Variants in EXT1 observed in about 807,000 individuals in gnomAD.
EXT1 encodes exostosin-1.
A neutral mutation model predicts 82.5 loss-of-function variants in EXT1; 20 were observed. The ratio of observed to expected loss-of-function variants is 0.24; its 90% CI spans 0.17 to 0.35. The LOEUF (loss-of-function observed/expected upper bound fraction) is 0.35, where lower values mean the gene tolerates loss of function less well. EXT1 is among the 10% of genes least tolerant of loss of function. The probability of loss-of-function intolerance (pLI) is 1.00; values close to 1 mark genes in which losing one functional copy is unlikely to be tolerated. For missense variants in EXT1, 757 were observed against 936.5 expected, an observed-to-expected ratio of 0.81 and a Z score of 2.50; for synonymous variants, 348 against 350.8, an observed-to-expected ratio of 0.99 and a Z score of 0.09.
chr8:117,857,021 G>C (rs1424597816), intron 1 of EXT1, among the ~76,000 whole-genome samples: 2 of 152,160 alleles, frequency 1.3e-5, no homozygotes, highest in African/African-American at 4.8e-5. Context: ...TACTCTGCCT[G>C]TGCTCTATAA....
chr8:118,012,285 A>T (rs1815915111), intron 1 of EXT1, among the ~76,000 whole-genome samples: 1 of 152,230 alleles, frequency 6.6e-6, no homozygotes, highest in Non-Finnish European at 1.5e-5. Context: ...CACACAGAAG[A>T]CCACACAGGA....
At chr8:117,913,021 C>T (rs1028620601) in intron 1 of EXT1, among the ~76,000 whole-genome samples, 3 of 152,040 alleles carry the variant, frequency 2.0e-5, no homozygotes, top group Admixed American at 6.5e-5. Flanking sequence ...GTCAGGAGTT[C>T]GAGACCAGCC....
chr8:117,921,278 A>C (rs557100586), intron 1 of EXT1, among the ~76,000 whole-genome samples: 1 of 152,140 alleles, frequency 6.6e-6, no homozygotes, highest in Non-Finnish European at 1.5e-5. Flanking sequence ...TTATCTGGGG[A>C]TCCTCAAGCA....
chr8:117,979,030 CAAG>C (rs756552172), intron 1 of EXT1, among the ~76,000 whole-genome samples: 3 of 152,036 alleles, frequency 2.0e-5, no homozygotes, highest in Admixed American at 6.6e-5. Context: ...GCCATGGCCC[CAAG>C]AAGAAGATGT....
intron 1 of EXT1, among the ~76,000 whole-genome samples, chr8:117,986,031 T>C (rs1194993637): frequency 1.6e-4 from 24 of 152,320 alleles, no homozygotes. Context: ...TTGACTTTTT[T>C]TTACTAAGGA....
chr8:118,013,481 T>C (rs1007497270), intron 1 of EXT1, among the ~76,000 whole-genome samples: 4 of 152,098 alleles, frequency 2.6e-5, no homozygotes, highest in Non-Finnish European at 5.9e-5. Context: ...AGTGCTAGGA[T>C]TACAGGCATG....
intron 1 of EXT1, among the ~76,000 whole-genome samples, chr8:117,947,792 C>T (rs17430930): frequency 0.02 from 2,984 of 152,240 alleles, 38 homozygotes; most frequent in Middle Eastern, 0.037. Context: ...AAGGACACAA[C>T]CCTATTGGAA....
chr8:117,819,748 G>C lies in EXT1; in HGVS notation c.1464C>G (p.Thr488=). The C allele has an allele frequency of 6.2e-7, 1 of 1,613,406 alleles. No individual in the cohort carries two copies. The highest frequency in any genetic ancestry group is 1.1e-5 in the South Asian group (1 of 91,054). The part of the protein sequence containing the change: ...SKFTAVIHAV[T]PLVSQSQPVL... Reference sequence around the variant, plus strand: ...CTGGCTGGGACTGAGAGACCAGGGGGGTCACCGCATGGATGACTGCAGTGA... The same window carrying C: ...CTGGCTGGGACTGAGAGACCAGGGGCGTCACCGCATGGATGACTGCAGTGA... Residue 488 remains threonine (T), a synonymous_variant, in exon 6 of 11, where the codon ACC becomes ACG. Transcript: ENST00000378204.
intron 1 of EXT1, among the ~76,000 whole-genome samples, chr8:118,011,640 T>C (rs1178463703): frequency 6.6e-6 from 1 of 152,166 alleles, no homozygotes. Flanking sequence ...CAAAGTCGCA[T>C]ATGTGGAAAG....
chr8:117,991,911 G>A (rs1413681509), intron 1 of EXT1, among the ~76,000 whole-genome samples: 1 of 152,186 alleles, frequency 6.6e-6, no homozygotes, highest in Non-Finnish European at 1.5e-5. Context: ...ATAAGGGAAT[G>A]GGTCAGGCTT....
In EXT1 at chr8:117,909,026, G is replaced by A. The variant is rs573227676; in HGVS notation, c.963-71825C>T. ...ACGCGCCTGTAATCCCAGCTACTCG[G>A]AAGGCTGAGGCAGGAGAATTGCTTG... is the stretch of plus-strand genomic sequence containing the variant. On this transcript the variant is annotated intron_variant, in intron 1 of 10. Transcript: ENST00000378204. Among the ~76,000 whole-genome samples, 708 of 151,972 alleles carry A rather than the reference G, an allele frequency of 4.7e-3. 6 individuals are homozygous for A. Among genetic ancestry groups the A allele is most frequent in the African/African-American group, 0.013 (536 of 41,454 alleles).
At chr8:118,037,276 T>C (rs1816438011) in intron 1 of EXT1, among the ~76,000 whole-genome samples, 1 of 152,162 alleles carries the variant, frequency 6.6e-6, no homozygotes, top group African/African-American at 2.4e-5. Context: ...GGGAGGGGGA[T>C]GTACGTGTGC....
chr8:118,042,130 T>C (rs377704633), intron 1 of EXT1, among the ~76,000 whole-genome samples: 5 of 152,100 alleles, frequency 3.3e-5, no homozygotes, highest in African/African-American at 1.2e-4. Flanking sequence ...TTTTCCATTA[T>C]GGCTGGGGAG....
At chr8:117,941,669 T>C (rs1814275617) in intron 1 of EXT1, among the ~76,000 whole-genome samples, 1 of 152,210 alleles carries the variant, frequency 6.6e-6, no homozygotes, top group Admixed American at 6.5e-5. Context: ...TCTGTTCATA[T>C]ACATGGCACA....
At chr8:117,801,103 G>A (rs375436746) in intron 10 of EXT1, among the ~76,000 whole-genome samples, 2 of 152,204 alleles carry the variant, frequency 1.3e-5, no homozygotes, top group African/African-American at 4.8e-5. Context: ...AGCAGTAAGA[G>A]TCACTTCAGA....
intron 4 of EXT1, among the ~76,000 whole-genome samples, chr8:117,828,773 T>A (rs1038061653): frequency 5.3e-5 from 8 of 151,936 alleles, no homozygotes; most frequent in Non-Finnish European, 1.5e-5. Context: ...TGGGCCTGGG[T>A]CTTAAACAGC....
At chr8:118,050,884 G>T (rs1816706350) in intron 1 of EXT1, among the ~76,000 whole-genome samples, 1 of 152,206 alleles carries the variant, frequency 6.6e-6, no homozygotes, top group South Asian at 2.1e-4. Context: ...TTAGAAGGTG[G>T]AGGGAGGTGT....
intron 1 of EXT1, among the ~76,000 whole-genome samples, chr8:118,064,852 ATTTT>A (rs35880608): frequency 1.0e-3 from 125 of 123,048 alleles, no homozygotes; most frequent in African/African-American, 3.8e-3. Context: ...TGTTTCCTGA[ATTTT>A]TTTTTTTTTT....
At chr8:118,041,684 AG>A (rs1338532904) in intron 1 of EXT1, among the ~76,000 whole-genome samples, 5 of 148,996 alleles carry the variant, frequency 3.4e-5, no homozygotes, top group Admixed American at 1.3e-4. Flanking sequence ...GAAGGAAGGA[AG>A]GAAGGAAGGA....
Sources: gnomAD v4.1 joint callset for allele counts (sites outside exome capture counted in the v4.1 genomes callset) on GRCh38, gnomAD v4.1.1 for gene constraint, MANE v1.5 for transcripts, NCBI Gene and HGNC (gene_info 2026-07-23, HGNC 2026-07-21) for gene names.